Variants in COL7A1 observed in about 807,000 individuals in gnomAD.
COL7A1 encodes collagen type VII alpha 1 chain.
In COL7A1, 296 loss-of-function variants were observed where a neutral mutation model predicts 456.2. The ratio of observed to expected loss-of-function variants is 0.65; its 90% CI spans 0.59 to 0.71. COL7A1 has a LOEUF of 0.71. Among genes scored for constraint, COL7A1 ranks in the 30% least tolerant of loss-of-function variants. COL7A1 has a pLI of 0.00. For synonymous variants in COL7A1, 1,464 were observed against 1,525.9 expected (o/e 0.96, Z 0.95); for missense variants, 3,441 against 4,017.2 (o/e 0.86, Z 3.88).
At position 48,588,267 on chromosome 3, in the gene COL7A1, G is replaced by A; in HGVS notation, c.2710+15C>T. ...CCCCAATGGTCCCTAACTTCCTCCT[G>A]GGGACACCTCTCACCCTCAGGTTGC... On this transcript the variant is annotated intron_variant, in intron 21 of 118. Coordinates refer to ENST00000681320, the MANE Select transcript of COL7A1 (RefSeq NM_000094.4). This position sits in a 1 kb window ranked among gnomAD's most constrained non-coding sequence, Gnocchi z 4.6. 6.2e-7 allele frequency: 1 copy of A among 1,612,874 alleles called. No individual in the cohort carries two copies. The highest frequency in any genetic ancestry group is 8.5e-7 in the Non-Finnish European group (1 of 1,179,962).
At position 48,567,503 on chromosome 3, in the gene COL7A1, C is replaced by G. The variant is rs528740575; in HGVS notation, c.8046+71G>C. 1 of 1,601,912 alleles carries G rather than the reference C, an allele frequency of 6.2e-7. No individual in the cohort carries two copies. Among genetic ancestry groups the G allele is most frequent in the East Asian group, 2.2e-5 (1 of 44,822 alleles). ...ACAGCCTTCCTTGTCCCTACACCCCCATGACCCGACCATGAGCTTCCCTGC... is the reference window on the plus strand; with the variant it reads ...ACAGCCTTCCTTGTCCCTACACCCCGATGACCCGACCATGAGCTTCCCTGC... On this transcript the variant is annotated intron_variant, in intron 109 of 118. Transcript: ENST00000681320. This position sits in a 1 kb window ranked among gnomAD's most constrained non-coding sequence, Gnocchi z 4.3.
rs1424574368 is a variant in COL7A1 at position 48,573,896 on chromosome 3, T to TAG, written c.6502-8_6502-7dup. On this transcript the variant is annotated splice_polypyrimidine_tract_variant and splice_region_variant and intron_variant, in intron 80 of 118. Transcript: ENST00000681320. The surrounding 1 kb of genome is among the most constrained non-coding windows in gnomAD (Gnocchi z 5.5). The stretch of plus-strand genomic sequence containing the variant: ...CCTCTTGGACCCTGCAGACCCTACA[T>TAG]AGAGAGGGCACTGATGAGCCTCAAT... 1.3e-5 allele frequency: 21 copies of TAG among 1,613,086 alleles called. No individual in the cohort carries two copies. The highest frequency in any genetic ancestry group is 1.8e-5 in the Non-Finnish European group (21 of 1,179,940).
rs1169743093 is a variant in COL7A1 at position 48,585,428 on chromosome 3, T to C, written c.3894+129A>G. ...TGTCCCCCAAAGTCTCTGTGGTGGT[T>C]TATAACCTCCAGCTGGGCTTCTAGG... On this transcript the variant is annotated intron_variant, in intron 32 of 118. Coordinates refer to ENST00000681320, the MANE Select transcript of COL7A1 (RefSeq NM_000094.4). This position sits in a 1 kb window ranked among gnomAD's most constrained non-coding sequence, Gnocchi z 4.5. The C allele has an allele frequency of 8.7e-7, 1 of 1,144,002 alleles. No individual in the cohort carries two copies. Among genetic ancestry groups the C allele is most frequent in the Non-Finnish European group, 1.3e-6 (1 of 766,732 alleles). 70.9% of individuals were successfully genotyped at this position (1,144,002 alleles called of 1,614,324 possible). A position where few individuals can be genotyped will look rare whatever the true frequency, so the allele number is the denominator to read the frequency against.
rs1381975764 is a variant in COL7A1 at position 48,594,444 on chromosome 3, GC to G, written c.189del (p.Leu64TrpfsTer40). On this transcript the variant is annotated frameshift_variant, in exon 3 of 119. Coordinates refer to ENST00000681320, the MANE Select transcript of COL7A1 (RefSeq NM_000094.4). LOFTEE classifies it high-confidence loss of function. This position sits in a 1 kb window ranked among gnomAD's most constrained non-coding sequence, Gnocchi z 5.5. ...NFREVRSFLEGLVLPFSGAAS... is the reference protein window; with the variant it reads ...NFREVRSFLEXLVLPFSGAAS... ...GCTGCTCCAGAGAAAGGCAGCACCA[GC>G]CCTTCGAGAAAGCTGCGGACCTCGC... is the stretch of plus-strand genomic sequence containing the variant. 2.5e-6 allele frequency: 4 copies of G among 1,612,190 alleles called. No homozygotes were observed. Among genetic ancestry groups the G allele is most frequent in the Non-Finnish European group, 1.7e-6 (2 of 1,180,028 alleles).
rs1560235169 is a variant in COL7A1, at chr3:48,581,768, G to A, written c.4669-9C>T. On this transcript the variant is annotated splice_polypyrimidine_tract_variant and intron_variant, in intron 48 of 118. Coordinates refer to ENST00000681320, the MANE Select transcript of COL7A1 (RefSeq NM_000094.4). The surrounding 1 kb of genome is among the most constrained non-coding windows in gnomAD (Gnocchi z 5.8). ...GCGGGCCCCACATCTCCCTGGAGGT[G>A]ACAAAGACCATCAGTGCTAGTCCCA... The A allele has an allele frequency of 1.2e-6, 2 of 1,614,044 alleles. No individual in the cohort carries two copies. Among genetic ancestry groups the A allele is most frequent in the Non-Finnish European group, 8.5e-7 (1 of 1,180,016 alleles).
In COL7A1 at chr3:48,585,024, A is replaced by T. The variant is rs368091050; in HGVS notation, c.3975+12T>A. ...AGCGCCCACCCTGACCTGCAGGACA[A>T]GGCTTGCTCACCTTTAGGCCAGGGG... On this transcript the variant is annotated intron_variant, in intron 33 of 118. Coordinates refer to ENST00000681320, the MANE Select transcript of COL7A1 (RefSeq NM_000094.4). The surrounding 1 kb of genome is among the most constrained non-coding windows in gnomAD (Gnocchi z 4.5). 3 of 1,613,378 alleles carry T rather than the reference A, an allele frequency of 1.9e-6. No individual in the cohort carries two copies. The highest frequency in any genetic ancestry group is 2.5e-6 in the Non-Finnish European group (3 of 1,179,932).
rs2043554199 is a variant in COL7A1, at chr3:48,565,335, GCCCTGCATTC to G, written c.8527+65_8527+74del. ...TGCAGACCCTACGTGCTTGGCGTGT[GCCCTGCATTC>G]ATGGACACCCATGTGCGTGTCTCGG... On this transcript the variant is annotated intron_variant, in intron 116 of 118. Transcript: ENST00000681320. This position sits in a 1 kb window ranked among gnomAD's most constrained non-coding sequence, Gnocchi z 4.5. The G allele has an allele frequency of 6.5e-7, 1 of 1,529,000 alleles. No homozygotes were observed. Among genetic ancestry groups the G allele is most frequent in the Admixed American group, 1.9e-5 (1 of 51,880 alleles). The allele number at this position is 1,529,000 out of a possible 1,614,324, so 94.7% of individuals were successfully genotyped here.
At chr3:48,582,932 C>T (rs2044879111) in intron 44 of COL7A1, 81 bp downstream of exon 44, 4 of 1,597,808 alleles carry the variant, frequency 2.5e-6, no homozygotes, top group Admixed American at 1.7e-5. Context: ...GCAGGGGTAG[C>T]AGGGGTCAAG....
At position 48,571,945 on chromosome 3, in the gene COL7A1, T is replaced by C; in HGVS notation, c.7068+56A>G. The C allele has an allele frequency of 6.3e-7, 1 of 1,599,400 alleles. No individual in the cohort carries two copies. The highest frequency in any genetic ancestry group is 1.1e-5 in the South Asian group (1 of 89,306). ...GCCCCGGCCCAAGAGTGGCCCCTTA[T>C]GCCCGCCATCACACTCCTCAGGCCA... On this transcript the variant is annotated intron_variant, in intron 92 of 118. Coordinates refer to ENST00000681320, the MANE Select transcript of COL7A1 (RefSeq NM_000094.4). The surrounding 1 kb of genome is among the most constrained non-coding windows in gnomAD (Gnocchi z 4.6).
In COL7A1 at chr3:48,564,817, G is replaced by C. The variant is rs1274567165; in HGVS notation, c.8784C>G (p.Arg2928=). Residue 2928 remains arginine, a synonymous_variant, in exon 118 of 119, where the codon CGC becomes CGG. Transcript: ENST00000681320. The surrounding 1 kb of genome is among the most constrained non-coding windows in gnomAD (Gnocchi z 6.0). The part of the protein sequence containing the change: ...RFGTREACER[R]CPPRVVQSQG... ...GGCTCTGGACCACCCGGGGTGGGCA[G>C]CGGCGCTCGCAGGCCTCACGGGTCC... 4 of 1,614,056 alleles carry C rather than the reference G, an allele frequency of 2.5e-6. No individual in the cohort carries two copies. The South Asian group carries it at 4.4e-5, about 18-fold the overall frequency.
In COL7A1 at chr3:48,593,819, T is replaced by G; in HGVS notation, c.267-123A>C. 1 of 1,200,894 alleles carries G rather than the reference T, an allele frequency of 8.3e-7. No individual in the cohort carries two copies. Among genetic ancestry groups the G allele is most frequent in the East Asian group, 2.4e-5 (1 of 41,602 alleles). 74.4% of individuals were successfully genotyped at this position (1,200,894 alleles called of 1,614,324 possible). On this transcript the variant is annotated intron_variant, in intron 3 of 118. Transcript: ENST00000681320. The surrounding 1 kb of genome is among the most constrained non-coding windows in gnomAD (Gnocchi z 4.4). Reference sequence around the variant, plus strand: ...TCTCTTGAGGGGTCCCTTCGTTCTGTCATTCTCCACACCCACTTGCCTCTG... The same window carrying G: ...TCTCTTGAGGGGTCCCTTCGTTCTGGCATTCTCCACACCCACTTGCCTCTG...
chr3:48,574,784 T>G lies in COL7A1; in HGVS notation c.6348+13A>C. ...TGGCAGAGGGTGGCCCCGAGCTGATTCCACACACTGACCTTAGCACCCTTG... is the reference window on the plus strand; with the variant it reads ...TGGCAGAGGGTGGCCCCGAGCTGATGCCACACACTGACCTTAGCACCCTTG... On this transcript the variant is annotated intron_variant, in intron 77 of 118. Coordinates refer to ENST00000681320, the MANE Select transcript of COL7A1 (RefSeq NM_000094.4). The surrounding 1 kb of genome is among the most constrained non-coding windows in gnomAD (Gnocchi z 5.0). 6.2e-7 allele frequency: 1 copy of G among 1,613,986 alleles called. No homozygotes were observed. The highest frequency in any genetic ancestry group is 1.7e-5 in the Admixed American group (1 of 60,022).
In COL7A1 at chr3:48,576,115, G is replaced by A. The variant is rs1444804692; in HGVS notation, c.5820+134C>T. 14 of 1,454,870 alleles carry A rather than the reference G, an allele frequency of 9.6e-6. No homozygotes were observed. In the East Asian group the frequency reaches 3.3e-4, roughly 35 times the overall value. 90.1% of individuals were successfully genotyped at this position (1,454,870 alleles called of 1,614,324 possible). ...AAGTTCCCTTGAGTGTGGGCTACAAGAACCCCAATGGGGCAGGGCACTGAA... is the reference window on the plus strand; with the variant it reads ...AAGTTCCCTTGAGTGTGGGCTACAAAAACCCCAATGGGGCAGGGCACTGAA... On this transcript the variant is annotated intron_variant, in intron 71 of 118. Coordinates refer to ENST00000681320, the MANE Select transcript of COL7A1 (RefSeq NM_000094.4).
chr3:48,587,239 A>G lies in COL7A1; in HGVS notation c.3090T>C (p.Pro1030=). ...PGVSYIFSLT[P]VLDGVRGPEA... ...CAGGACCCCGCACACCATCCAGGAC[A>G]GGCGTCAGGGAGAAGATGTAAGAGA... The change falls in exon 24 of 119, where the codon CCT becomes CCC. Residue 1030 remains proline, a synonymous_variant. Transcript: ENST00000681320. This position sits in a 1 kb window ranked among gnomAD's most constrained non-coding sequence, Gnocchi z 6.1. The G allele has an allele frequency of 1.2e-6, 2 of 1,613,416 alleles. No homozygotes were observed. Among genetic ancestry groups the G allele is most frequent in the Non-Finnish European group, 1.7e-6 (2 of 1,179,800 alleles).
In COL7A1 at chr3:48,569,202, C is replaced by T. The variant is rs567462499; in HGVS notation, c.7686+173G>A. 6.6e-6 allele frequency among the ~76,000 whole-genome samples: 1 copy of T among 152,188 alleles called. No individual in the cohort carries two copies. The highest frequency in any genetic ancestry group is 2.1e-4 in the South Asian group (1 of 4,812). ...AGCTCTCCTAACCTCACACCAAGGC[C>T]TTGAGCCCTCCCTAGAGCCCCTCCT... On this transcript the variant is annotated intron_variant, in intron 103 of 118. Transcript: ENST00000681320. This position sits in a 1 kb window ranked among gnomAD's most constrained non-coding sequence, Gnocchi z 4.9.
rs765799373 is a variant in COL7A1, at chr3:48,576,566, C to T, written c.5701-9G>A. The T allele has an allele frequency of 2.8e-5, 45 of 1,606,844 alleles. No homozygotes were observed. The African/African-American group carries it at 2.8e-4, about 10-fold the overall frequency. On this transcript the variant is annotated splice_polypyrimidine_tract_variant and intron_variant, in intron 68 of 118. Coordinates refer to ENST00000681320, the MANE Select transcript of COL7A1 (RefSeq NM_000094.4). ...GGGACACCAGGAAAACCCTGAGATA[C>T]GGCAGAACACAAAGGGGTCACAAAG...
rs998755779 is a variant in COL7A1 at position 48,593,782 on chromosome 3, C to T, written c.267-86G>A. ...GAGGAGGCCTCTAGGGTGAGGGTTA[C>T]GGGTATCAGGCTCTCTTGAGGGGTC... On this transcript the variant is annotated intron_variant, in intron 3 of 118. Transcript: ENST00000681320. The surrounding 1 kb of genome is among the most constrained non-coding windows in gnomAD (Gnocchi z 4.4). 2.1e-5 allele frequency: 32 copies of T among 1,513,378 alleles called. No homozygotes were observed. The highest frequency in any genetic ancestry group is 1.7e-4 in the Middle Eastern group (1 of 5,876). The allele number at this position is 1,513,378 out of a possible 1,614,324, so 93.7% of individuals were successfully genotyped here.
Position 48,574,374 on chromosome 3 carries a change from G to A in COL7A1, c.6457-68C>T. On this transcript the variant is annotated intron_variant, in intron 79 of 118. Transcript: ENST00000681320. This position sits in a 1 kb window ranked among gnomAD's most constrained non-coding sequence, Gnocchi z 5.0. Reference sequence around the variant, plus strand: ...TTCCCCTCCACCCACCATCCCCCTAGACAGAGTCAGGACCCAGACAGTCCC... The same window carrying A: ...TTCCCCTCCACCCACCATCCCCCTAAACAGAGTCAGGACCCAGACAGTCCC... 6.2e-7 allele frequency: 1 copy of A among 1,612,992 alleles called. No individual in the cohort carries two copies. The highest frequency in any genetic ancestry group is 1.3e-5 in the African/African-American group (1 of 74,978).
In COL7A1 at chr3:48,571,838, G is replaced by A. The variant is rs1000801020; in HGVS notation, c.7068+163C>T. 1.4e-5 allele frequency: 12 copies of A among 856,486 alleles called. No homozygotes were observed. The Admixed American group carries it at 1.6e-4, about 11-fold the overall frequency. The allele number at this position is 856,486 out of a possible 1,614,324, so 53.1% of individuals were successfully genotyped here. ...CCCCAGAGCTCAGAGTGTGGAAGCC[G>A]ACAGTGTGTGGCTCCCTGTGATCCA... On this transcript the variant is annotated intron_variant, in intron 92 of 118. Transcript: ENST00000681320. The surrounding 1 kb of genome is among the most constrained non-coding windows in gnomAD (Gnocchi z 4.6).
Sources: gnomAD v4.1 joint callset for allele counts (sites outside exome capture counted in the v4.1 genomes callset) on GRCh38, gnomAD v4.1.1 for gene constraint, Gnocchi (gnomAD v3.1) non-coding constraint, MANE v1.5 for transcripts, NCBI Gene and HGNC (gene_info 2026-07-23, HGNC 2026-07-21) for gene names.